The following GABBR2 variants were observed in gnomAD, a reference collection of about 807,000 sequenced individuals.
The protein encoded by GABBR2 is G-protein coupled receptor 51.
A neutral mutation model predicts 105.6 loss-of-function variants in GABBR2; 23 were observed. That is an observed-to-expected ratio of 0.22 (90% confidence interval 0.16 to 0.31). The LOEUF is 0.31. Ranked by LOEUF, GABBR2 falls within the 10% of genes least tolerant of loss-of-function variation. The pLI is 1.00. For missense variants in GABBR2, 734 were observed against 1,245.5 expected (o/e 0.59, Z 6.18); for synonymous variants, 478 against 499.7 (o/e 0.96, Z 0.58).
intron 5 of GABBR2, 35 bp downstream of exon 5, chr9:98,480,897 C>G: frequency 7.6e-7 from 1 of 1,315,766 alleles, no homozygotes; most frequent in Non-Finnish European, 1.1e-6. Flanking sequence ...CGTGAACCTC[C>G]CCAAAGACAC....
chr9:98,385,784 AAG>A lies in GABBR2; in HGVS notation c.1530-14_1530-13del. 6.2e-7 allele frequency: 1 copy of A among 1,603,582 alleles called. No individual in the cohort carries two copies. Among genetic ancestry groups the A allele is most frequent in the Non-Finnish European group, 8.5e-7 (1 of 1,170,782 alleles). ...ACATCTTTATGAGCCTGACAAGAGA[AAG>A]AGACAATAGATTTAACAGAATGGTT... On this transcript the variant is annotated splice_polypyrimidine_tract_variant and intron_variant, in intron 10 of 18. Transcript: ENST00000259455.
At chr9:98,318,172 G>A (rs2131371646) in intron 13 of GABBR2, among the ~76,000 whole-genome samples, 1 of 152,334 alleles carries the variant, frequency 6.6e-6, no homozygotes, top group East Asian at 1.9e-4. Context: ...TGAGCACAAA[G>A]TGCCTGGGGA....
At chr9:98,600,809 G>A (rs1050206505) in intron 1 of GABBR2, among the ~76,000 whole-genome samples, 4 of 152,162 alleles carry the variant, frequency 2.6e-5, no homozygotes, top group East Asian at 1.9e-4. Flanking sequence ...CCTCTGCACC[G>A]CACCGCCACA....
chr9:98,681,991 T>A (rs1256726332), intron 1 of GABBR2, among the ~76,000 whole-genome samples: 1 of 152,026 alleles, frequency 6.6e-6, no homozygotes, highest in Non-Finnish European at 1.5e-5. Context: ...TAATCCCACT[T>A]TGGGGGGTGG....
chr9:98,495,750 C>T (rs1032091343), intron 4 of GABBR2, among the ~76,000 whole-genome samples: 5 of 152,160 alleles, frequency 3.3e-5, no homozygotes, highest in African/African-American at 2.4e-5. Flanking sequence ...GAGCACTCTC[C>T]CCAGGTGGGA....
At chr9:98,605,713 C>T (rs1178096057) in intron 1 of GABBR2, among the ~76,000 whole-genome samples, 1 of 152,180 alleles carries the variant, frequency 6.6e-6, no homozygotes, top group African/African-American at 2.4e-5. Flanking sequence ...ATCACTTAAC[C>T]TCGTAGCATC....
intron 1 of GABBR2, among the ~76,000 whole-genome samples, chr9:98,618,153 C>T (rs945847719): frequency 1.3e-5 from 2 of 152,188 alleles, no homozygotes; most frequent in Admixed American, 1.3e-4. Flanking sequence ...CAGGGCTAAC[C>T]GATCCTGCAG....
At chr9:98,501,483 A>G (rs1167708749) in intron 3 of GABBR2, among the ~76,000 whole-genome samples, 2 of 152,142 alleles carry the variant, frequency 1.3e-5, no homozygotes, top group Non-Finnish European at 2.9e-5. Context: ...TTTTTAAAAC[A>G]TATCACATCT....
chr9:98,301,106 C>T (rs990501171), intron 16 of GABBR2, among the ~76,000 whole-genome samples: 1 of 152,148 alleles, frequency 6.6e-6, no homozygotes, highest in African/African-American at 2.4e-5. Context: ...AATGTGTTTC[C>T]CTGGGTTCCG....
At chr9:98,336,943 T>C (rs1050959292) in intron 13 of GABBR2, among the ~76,000 whole-genome samples, 2 of 152,084 alleles carry the variant, frequency 1.3e-5, no homozygotes, top group Non-Finnish European at 2.9e-5. Flanking sequence ...AGCATACAAA[T>C]TGGAATGAAA....
intron 1 of GABBR2, among the ~76,000 whole-genome samples, chr9:98,644,272 G>A (rs559785872): frequency 6.6e-6 from 1 of 152,348 alleles, no homozygotes; most frequent in East Asian, 1.9e-4. Flanking sequence ...GACCTCCAAA[G>A]CAGATGTGGT....
intron 6 of GABBR2, among the ~76,000 whole-genome samples, chr9:98,465,573 C>G (rs1826533208): frequency 6.6e-6 from 1 of 152,186 alleles, no homozygotes; most frequent in African/African-American, 2.4e-5. Context: ...AATTAACTTT[C>G]CCAAGTCTCC....
chr9:98,420,115 G>C (rs1832756209), intron 7 of GABBR2, among the ~76,000 whole-genome samples: 1 of 152,096 alleles, frequency 6.6e-6, no homozygotes, highest in Non-Finnish European at 1.5e-5. Context: ...TGTGATGAAG[G>C]GAAAGGAAGG....
At position 98,416,863 on chromosome 9, in the gene GABBR2, T is replaced by A. The variant is rs545335666; in HGVS notation, c.1237-10722A>T. Among the ~76,000 whole-genome samples, 14 of 152,294 alleles carry A rather than the reference T, an allele frequency of 9.2e-5. No individual in the cohort carries two copies. The South Asian group carries it at 2.9e-3, about 32-fold the overall frequency. ...AAACAATTCCTTGTATTAAATCCCC[T>A]CTGTTTGAAATGCCTAGAGTGGCTT... On this transcript the variant is annotated intron_variant, in intron 7 of 18. Coordinates refer to ENST00000259455, the MANE Select transcript of GABBR2 (RefSeq NM_005458.8).
chr9:98,371,295 C>T (rs1220860478), intron 12 of GABBR2, among the ~76,000 whole-genome samples, 169 bp downstream of exon 12: 2 of 152,162 alleles, frequency 1.3e-5, no homozygotes, highest in African/African-American at 2.4e-5. Flanking sequence ...ATTACAAATG[C>T]TTTGTTAACT....
intron 2 of GABBR2, among the ~76,000 whole-genome samples, chr9:98,573,599 A>G (rs1222590112): frequency 1.3e-5 from 2 of 152,196 alleles, no homozygotes; most frequent in Non-Finnish European, 2.9e-5. Flanking sequence ...TTTAAATTTT[A>G]TTTTTGTTAA....
chr9:98,337,321 G>A (rs1469910435), intron 13 of GABBR2, among the ~76,000 whole-genome samples: 6 of 152,180 alleles, frequency 3.9e-5, no homozygotes, highest in Middle Eastern at 3.4e-3. Context: ...AAAAAAAATT[G>A]CTGAAAGAAA....
chr9:98,331,393 C>CTTTTTT (rs1831022039), intron 13 of GABBR2, among the ~76,000 whole-genome samples: 1 of 105,704 alleles, frequency 9.5e-6, no homozygotes, highest in Non-Finnish European at 1.9e-5. Context: ...AAAAGTCCCT[C>CTTTTTT]TTCTTTTTTT....
intron 1 of GABBR2, among the ~76,000 whole-genome samples, chr9:98,600,134 G>A (rs139052245): frequency 4.7e-4 from 72 of 152,212 alleles, no homozygotes; most frequent in African/African-American, 1.6e-3. Context: ...GAAGAACAAG[G>A]AAGGGCTGTG....
Sources: allele counts gnomAD v4.1 joint callset (sites outside exome capture counted in the v4.1 genomes callset), GRCh38; gene constraint gnomAD v4.1.1; transcripts MANE v1.5; gene names NCBI Gene and HGNC (gene_info 2026-07-23, HGNC 2026-07-21).